Variants in UPK1A observed in about 807,000 individuals in gnomAD.
UPK1A encodes uroplakin-1a.
A neutral mutation model predicts 32.3 loss-of-function variants in UPK1A; 31 were observed. That is an observed-to-expected ratio of 0.96 (90% CI 0.72 to 1.30). The LOEUF (loss-of-function observed/expected upper bound fraction) is 1.30. Ranked by LOEUF, UPK1A falls within the 50% of genes most tolerant of loss-of-function variation. UPK1A has a pLI of 0.00. For synonymous variants in UPK1A, 135 were observed against 137.1 expected, an observed-to-expected ratio of 0.98 and a Z score of 0.11; for missense variants, 340 against 357.4, an observed-to-expected ratio of 0.95 and a Z score of 0.39.
At chr19:35,673,496 C>T (rs141522675) in exon 5 of UPK1A, 1 of 1,613,288 alleles carries the variant, frequency 6.2e-7, no homozygotes, top group Non-Finnish European at 8.5e-7. Context: ...AGCGCGGACA[C>T]CGACCAGGGC....
At chr19:35,668,416 G>GCC in intron 2 of UPK1A, 38 bp from the exon 3 acceptor site, 1 of 1,612,124 alleles carries the variant, frequency 6.2e-7, no homozygotes, top group Non-Finnish European at 8.5e-7. Flanking sequence ...AGGGCTGCTG[G>GCC]CCCCGAGCAG....
intron 2 of UPK1A, 111 bp downstream of exon 2, chr19:35,667,007 T>C (rs1322340482): frequency 3.7e-6 from 4 of 1,068,694 alleles, no homozygotes; most frequent in Non-Finnish European, 5.6e-6. Flanking sequence ...GCAGACTCAG[T>C]GGTCAGCACA....
At chr19:35,677,084 C>T (rs775769973) in intron 6 of UPK1A, among the ~76,000 whole-genome samples, 6 of 149,400 alleles carry the variant, frequency 4.0e-5, no homozygotes, top group Admixed American at 6.7e-5. Context: ...ATTAGCCAGG[C>T]GTGGTGGTGC....
chr19:35,668,112 C>T, intron 2 of UPK1A: 1 of 391,108 alleles, frequency 2.6e-6, no homozygotes, highest in Non-Finnish European at 4.9e-6. Flanking sequence ...ATGGCCATGG[C>T]CATGTTCCCC....
chr19:35,673,377 G>A (rs1022146778), intron 4 of UPK1A, 61 bp from the exon 5 acceptor site: 13 of 1,610,622 alleles, frequency 8.1e-6, no homozygotes, highest in Middle Eastern at 3.3e-4. Flanking sequence ...GCGGCGGGGC[G>A]GAGGTCGTCC....
chr19:35,677,763 G>C (rs766838807), intron 6 of UPK1A, 49 bp from the exon 7 acceptor site: 1 of 1,607,664 alleles, frequency 6.2e-7, no homozygotes, highest in African/African-American at 1.3e-5. Context: ...CGCTTTCAGC[G>C]GCTACCCTCA....
exon 8 of UPK1A, chr19:35,678,009 C>G: frequency 6.3e-7 from 1 of 1,596,284 alleles, no homozygotes; most frequent in South Asian, 1.1e-5. Context: ...TATTTCTACA[C>G]CATGCTCTGA....
intron 6 of UPK1A, among the ~76,000 whole-genome samples, chr19:35,677,249 C>T (rs74648994): frequency 0.1 from 15,130 of 150,866 alleles, 881 homozygotes; most frequent in East Asian, 0.2. Context: ...AAAGGCCGGG[C>T]GCGCACAGTG....
Position 35,666,839 on chromosome 19 carries a change from C to T in UPK1A, c.27C>T (p.Ala9=), listed in dbSNP as rs756397617. The T allele has an allele frequency of 1.5e-5, 24 of 1,613,960 alleles. No individual in the cohort carries two copies. The East Asian group carries it at 4.0e-4, about 27-fold the overall frequency. ...TGGCGTCTGCGGCAGCAGCGGAGGC[C>T]GAGAAGGGATCTCCAGTTGTGGTGG... Residue 9 remains alanine, a synonymous_variant, in exon 2 of 8, where the codon GCC becomes GCT. Coordinates refer to ENST00000617999, the Ensembl canonical transcript of UPK1A.
At chr19:35,677,865 G>A (rs779017159) in exon 7 of UPK1A, 18 of 1,612,050 alleles carry the variant, frequency 1.1e-5, no homozygotes, top group South Asian at 4.4e-5. Flanking sequence ...GGGGTATCTC[G>A]TGGTTTGGGT....
At chr19:35,678,211 G>A (rs1363388936) in exon 8 of UPK1A, 3 of 647,994 alleles carry the variant, frequency 4.6e-6, no homozygotes, top group Admixed American at 3.0e-5. Flanking sequence ...GAAACCCCAG[G>A]GCTTGTGTGC....
At chr19:35,677,439 T>C (rs1451717951) in intron 6 of UPK1A, among the ~76,000 whole-genome samples, 3 of 151,838 alleles carry the variant, frequency 2.0e-5, no homozygotes, top group African/African-American at 7.3e-5. Flanking sequence ...GGCAGGAGAA[T>C]TGCTTGAACG....
intron 5 of UPK1A, 46 bp downstream of exon 5, chr19:35,673,591 A>G (rs765284323): frequency 5.7e-6 from 9 of 1,567,234 alleles, no homozygotes; most frequent in Non-Finnish European, 1.7e-6. Context: ...GGCTCCGTCC[A>G]CAGAGGCCGA....
intron 4 of UPK1A, 62 bp from the exon 5 acceptor site, chr19:35,673,376 C>T: frequency 1.2e-6 from 2 of 1,609,834 alleles, no homozygotes; most frequent in Non-Finnish European, 1.7e-6. Flanking sequence ...CGCGGCGGGG[C>T]GGAGGTCGTC....
intron 5 of UPK1A, among the ~76,000 whole-genome samples, chr19:35,674,237 TTATC>T (rs1219111215): frequency 6.7e-6 from 1 of 149,546 alleles, no homozygotes; most frequent in African/African-American, 2.5e-5. Context: ...TTTTTTCTTT[TTATC>T]TTTTTTTTTT....
chr19:35,676,041 CATCT>C, intron 6 of UPK1A, 22 bp downstream of exon 6: 2 of 1,603,616 alleles, frequency 1.2e-6, no homozygotes, highest in Non-Finnish European at 1.7e-6. Flanking sequence ...TGCCCTGCTC[CATCT>C]GTCTATCCAT....
intron 5 of UPK1A, among the ~76,000 whole-genome samples, chr19:35,674,436 T>C (rs1254257860): frequency 6.6e-6 from 1 of 151,602 alleles, no homozygotes; most frequent in African/African-American, 2.4e-5. Context: ...TTAGTAGAGA[T>C]GGGTGTTAGC....
chr19:35,672,344 C>T (rs954073421), intron 3 of UPK1A, among the ~76,000 whole-genome samples: 1 of 152,036 alleles, frequency 6.6e-6, no homozygotes. Flanking sequence ...TCATTGCAAC[C>T]TCTGCCTCCT....
At chr19:35,675,760 C>T in intron 5 of UPK1A, 80 bp from the exon 6 acceptor site, 5 of 1,495,270 alleles carry the variant, frequency 3.3e-6, no homozygotes, top group Non-Finnish European at 3.6e-6. Flanking sequence ...CCAATCCTGC[C>T]CCTCCTTGCT....
Sources: gnomAD v4.1 joint callset for allele counts (sites outside exome capture counted in the v4.1 genomes callset) on GRCh38, gnomAD v4.1.1 for gene constraint, MANE v1.5 for transcripts, NCBI Gene and HGNC (gene_info 2026-07-23, HGNC 2026-07-21) for gene names.